The following DCC variants were observed in gnomAD, a reference collection of about 807,000 sequenced individuals.
The protein encoded by DCC is netrin receptor DCC.
In DCC, 58 loss-of-function variants were observed where a neutral mutation model predicts 172.5. The ratio of observed to expected loss-of-function variants is 0.34; its 90% confidence interval spans 0.27 to 0.42. The LOEUF is 0.42. DCC is among the 10% of genes least tolerant of loss of function. DCC has a pLI of 1.00. For synonymous variants in DCC, 709 were observed against 644.5 expected (o/e 1.10, Z -1.52); for missense variants, 1,740 against 1,791.0 (o/e 0.97, Z 0.51).
chr18:52,995,914 T>C (rs1247867459), intron 5 of DCC, among the ~76,000 whole-genome samples: 1 of 151,748 alleles, frequency 6.6e-6, no homozygotes. Context: ...TTTTTTTTTT[T>C]CCCAGTGAAG....
chr18:52,791,357 C>A (rs553172125), intron 2 of DCC, among the ~76,000 whole-genome samples: 2 of 152,064 alleles, frequency 1.3e-5, no homozygotes, highest in East Asian at 3.9e-4. Flanking sequence ...GAAGATGATA[C>A]CCATCTAGAA....
intron 1 of DCC, among the ~76,000 whole-genome samples, chr18:52,495,167 A>G (rs1393304236): frequency 2.0e-5 from 3 of 152,204 alleles, no homozygotes; most frequent in Non-Finnish European, 4.4e-5. Context: ...AGAAAACTCC[A>G]TTCTGCTTCT....
chr18:52,704,261 G>T (rs1427426807), intron 1 of DCC, among the ~76,000 whole-genome samples: 1 of 151,962 alleles, frequency 6.6e-6, no homozygotes, highest in Non-Finnish European at 1.5e-5. Flanking sequence ...CTTTTACACG[G>T]AACAGCTTAT....
chr18:52,561,074 G>A (rs138784759), intron 1 of DCC, among the ~76,000 whole-genome samples: 1 of 152,016 alleles, frequency 6.6e-6, no homozygotes, highest in Non-Finnish European at 1.5e-5. Flanking sequence ...TATAGGAAAA[G>A]AATATGCTCA....
chr18:52,563,128 T>G (rs2033078157), intron 1 of DCC, among the ~76,000 whole-genome samples: 1 of 152,072 alleles, frequency 6.6e-6, no homozygotes, highest in African/African-American at 2.4e-5. Flanking sequence ...CCTCAGTAAT[T>G]AAAAAGTGTC....
intron 21 of DCC, among the ~76,000 whole-genome samples, chr18:53,433,004 A>G (rs1270124207): frequency 6.6e-6 from 1 of 152,092 alleles, no homozygotes; most frequent in Non-Finnish European, 1.5e-5. Context: ...AACTTTTTAA[A>G]AAGTGCTTTC....
chr18:52,835,195 T>C (rs2038683255), intron 2 of DCC, among the ~76,000 whole-genome samples: 1 of 152,288 alleles, frequency 6.6e-6, no homozygotes, highest in African/African-American at 2.4e-5. Context: ...CGTATGGCCA[T>C]GGATAAACTG....
chr18:52,716,536 G>C (rs1407570020), intron 1 of DCC, among the ~76,000 whole-genome samples: 1 of 152,172 alleles, frequency 6.6e-6, no homozygotes, highest in Non-Finnish European at 1.5e-5. Flanking sequence ...ACTTGGCATG[G>C]TCTTTTGTGT....
intron 3 of DCC, among the ~76,000 whole-genome samples, chr18:52,920,876 T>C (rs116289410): frequency 0.015 from 2,220 of 152,214 alleles, 42 homozygotes; most frequent in African/African-American, 0.037. Flanking sequence ...TGAAAATGCA[T>C]GAAGGAATCT....
At chr18:52,700,170 ACACACACATGCACACG>A (rs1456424543) in intron 1 of DCC, among the ~76,000 whole-genome samples, 10 of 150,106 alleles carry the variant, frequency 6.7e-5, no homozygotes, top group African/African-American at 1.0e-4. Flanking sequence ...ATGCACACGC[ACACACACATGCACACG>A]CACACACACG....
chr18:53,329,376 T>C (rs2057505857), intron 14 of DCC, among the ~76,000 whole-genome samples: 3 of 151,998 alleles, frequency 2.0e-5, no homozygotes, highest in African/African-American at 7.2e-5. Flanking sequence ...TATTTGAATA[T>C]TACAAGACAC....
At chr18:53,143,777 A>C (rs747932306) in intron 7 of DCC, among the ~76,000 whole-genome samples, 2 of 152,228 alleles carry the variant, frequency 1.3e-5, no homozygotes, top group Non-Finnish European at 2.9e-5. Context: ...TTACACAGGT[A>C]ATTTTTTCCT....
intron 12 of DCC, 63 bp downstream of exon 12, chr18:53,215,660 C>T: frequency 7.5e-7 from 1 of 1,334,938 alleles, no homozygotes; most frequent in African/African-American, 1.4e-5. Context: ...GTATAACCTT[C>T]ACTCACCCAA....
chr18:52,886,742 C>A (rs1488627743), intron 2 of DCC, among the ~76,000 whole-genome samples: 1 of 152,036 alleles, frequency 6.6e-6, no homozygotes, highest in Non-Finnish European at 1.5e-5. Context: ...GAAGTTAAAA[C>A]CATGCACTGT....
rs187365322 is a variant in DCC, at chr18:53,175,143, C to T, written c.1419-3819C>T. Among the ~76,000 whole-genome samples, 8 of 152,282 alleles carry T rather than the reference C, an allele frequency of 5.3e-5. No homozygotes were observed. The East Asian group carries it at 1.5e-3, about 29-fold the overall frequency. On this transcript the variant is annotated intron_variant, in intron 8 of 28. Coordinates refer to ENST00000442544, the MANE Select transcript of DCC (RefSeq NM_005215.4). ...ATTCAAGAACCCTTCATGCTAAAAACTCTCAATAAATTAGGTATTGATGGG... is the reference window on the plus strand; with the variant it reads ...ATTCAAGAACCCTTCATGCTAAAAATTCTCAATAAATTAGGTATTGATGGG...
intron 3 of DCC, among the ~76,000 whole-genome samples, chr18:52,913,055 A>G (rs892436169): frequency 2.0e-5 from 3 of 152,086 alleles, no homozygotes; most frequent in African/African-American, 7.2e-5. Flanking sequence ...ATTGTGTACA[A>G]CTAAGTTCCA....
intron 1 of DCC, among the ~76,000 whole-genome samples, chr18:52,492,751 A>G (rs2030567685): frequency 6.6e-6 from 1 of 152,078 alleles, no homozygotes; most frequent in African/African-American, 2.4e-5. Flanking sequence ...AGAAATGTTC[A>G]GCTACTCAGG....
At chr18:53,040,002 A>G (rs2042147409) in intron 5 of DCC, among the ~76,000 whole-genome samples, 2 of 151,958 alleles carry the variant, frequency 1.3e-5, no homozygotes, top group Admixed American at 6.6e-5. Context: ...TTTAAACTGT[A>G]TTGCCCTTAG....
At chr18:52,922,826 C>T (rs902061606) in intron 3 of DCC, among the ~76,000 whole-genome samples, 7 of 152,092 alleles carry the variant, frequency 4.6e-5, no homozygotes, top group East Asian at 3.9e-4. Flanking sequence ...CTTAACTGTC[C>T]GCAAGCCTAC....
Sources: gnomAD v4.1 joint callset for allele counts (sites outside exome capture counted in the v4.1 genomes callset) on GRCh38, gnomAD v4.1.1 for gene constraint, MANE v1.5 for transcripts, NCBI Gene and HGNC (gene_info 2026-07-23, HGNC 2026-07-21) for gene names.